The following FHIT variants were observed in gnomAD, a reference collection of about 807,000 sequenced individuals.
The protein encoded by FHIT is fragile histidine triad diadenosine triphosphatase, also known as bis(5'-adenosyl)-triphosphatase.
Under a neutral mutation model 17.9 loss-of-function variants are expected in FHIT, and 19 were observed. That is an observed-to-expected ratio of 1.06 (90% CI 0.74 to 1.56). The LOEUF (loss-of-function observed/expected upper bound fraction) is 1.56, where lower values mean the gene tolerates loss of function less well. Ranked by LOEUF, FHIT falls within the 40% of genes most tolerant of loss-of-function variation. The probability of loss-of-function intolerance (pLI) is 0.00; values close to 1 mark genes in which losing one functional copy is unlikely to be tolerated. For missense variants in FHIT, 248 were observed against 189.2 expected (o/e 1.31, Z -1.82); for synonymous variants, 81 against 69.7 (o/e 1.16, Z -0.81).
intron 8 of FHIT, among the ~76,000 whole-genome samples, chr3:59,797,352 A>G (rs2106957000): frequency 6.6e-6 from 1 of 152,168 alleles, no homozygotes; most frequent in East Asian, 1.9e-4. Context: ...ATGCCTGGCT[A>G]ATTTTTGTAT....
intron 4 of FHIT, among the ~76,000 whole-genome samples, chr3:60,606,004 G>A (rs1273908191): frequency 6.6e-6 from 1 of 152,092 alleles, no homozygotes; most frequent in Non-Finnish European, 1.5e-5. Flanking sequence ...ATAGAAACCA[G>A]GGGATGTTAT....
At chr3:60,042,341 T>C (rs1027004983) in intron 5 of FHIT, among the ~76,000 whole-genome samples, 8 of 152,218 alleles carry the variant, frequency 5.3e-5, no homozygotes, top group African/African-American at 1.7e-4. Context: ...TAGGACTCTA[T>C]TAGTTTGCTA....
chr3:60,931,053 T>C (rs1707924502), intron 3 of FHIT, among the ~76,000 whole-genome samples: 1 of 152,342 alleles, frequency 6.6e-6, no homozygotes, highest in East Asian at 1.9e-4. Context: ...GATGAGTTCA[T>C]GTCCTTTGTA....
chr3:60,839,803 G>A (rs1255919104), intron 3 of FHIT, among the ~76,000 whole-genome samples: 1 of 152,050 alleles, frequency 6.6e-6, no homozygotes, highest in East Asian at 1.9e-4. Flanking sequence ...ATAGATTTCT[G>A]CATTTACATA....
chr3:59,862,471 T>C (rs1181810981), intron 8 of FHIT, among the ~76,000 whole-genome samples: 2 of 152,144 alleles, frequency 1.3e-5, no homozygotes, highest in African/African-American at 4.8e-5. Context: ...CCAATGACCA[T>C]CCAGCAAGAC....
chr3:60,800,217 C>T (rs1175763942), intron 4 of FHIT, among the ~76,000 whole-genome samples: 1 of 152,346 alleles, frequency 6.6e-6, no homozygotes, highest in African/African-American at 2.4e-5. Context: ...TTCAAACACA[C>T]TTCTCTCAAC....
chr3:59,947,530 T>A (rs964119628), intron 7 of FHIT, among the ~76,000 whole-genome samples: 10 of 152,210 alleles, frequency 6.6e-5, no homozygotes, highest in African/African-American at 2.4e-4. Flanking sequence ...CCGATTTTAT[T>A]TGATGCTCTG....
intron 5 of FHIT, among the ~76,000 whole-genome samples, chr3:60,523,924 T>C (rs1295629609): frequency 6.6e-6 from 1 of 152,206 alleles, no homozygotes; most frequent in Non-Finnish European, 1.5e-5. Flanking sequence ...GAAATCCTGG[T>C]TGACACTATG....
chr3:60,165,530 C>T (rs955638119), intron 5 of FHIT, among the ~76,000 whole-genome samples: 1 of 152,074 alleles, frequency 6.6e-6, no homozygotes, highest in African/African-American at 2.4e-5. Context: ...TATGGGTGAG[C>T]ATTATTTAGA....
At chr3:60,627,683 C>T (rs373358270) in intron 4 of FHIT, among the ~76,000 whole-genome samples, 2 of 152,180 alleles carry the variant, frequency 1.3e-5, no homozygotes, top group East Asian at 3.9e-4. Flanking sequence ...GCCACCACAC[C>T]CGGCTAATTT....
At chr3:61,043,258 A>G (rs975020875) in intron 2 of FHIT, among the ~76,000 whole-genome samples, 8 of 152,126 alleles carry the variant, frequency 5.3e-5, no homozygotes, top group Admixed American at 5.2e-4. Flanking sequence ...CCACCCTAAT[A>G]CAGCACTTTT....
intron 3 of FHIT, among the ~76,000 whole-genome samples, chr3:60,964,748 T>C (rs1334345398): frequency 6.6e-6 from 1 of 152,188 alleles, no homozygotes; most frequent in African/African-American, 2.4e-5. Context: ...TTTAAGAATG[T>C]TGAATTGGCC....
At chr3:60,013,715 G>C (rs1215917585) in intron 6 of FHIT, among the ~76,000 whole-genome samples, 1 of 152,142 alleles carries the variant, frequency 6.6e-6, no homozygotes, top group Non-Finnish European at 1.5e-5. Flanking sequence ...GATTTTTCCA[G>C]TCCCAGTTCC....
chr3:61,022,707 C>T (rs889450261), intron 3 of FHIT, among the ~76,000 whole-genome samples: 3 of 152,142 alleles, frequency 2.0e-5, no homozygotes, highest in East Asian at 3.8e-4. Flanking sequence ...AATCAATAAA[C>T]ATAATCCCTC....
intron 2 of FHIT, among the ~76,000 whole-genome samples, chr3:61,077,539 G>A (rs2035008750): frequency 6.6e-6 from 1 of 151,910 alleles, no homozygotes; most frequent in Admixed American, 6.6e-5. Context: ...TTTTAGCAAA[G>A]TGGGAATGTA....
intron 4 of FHIT, among the ~76,000 whole-genome samples, chr3:60,660,729 C>CCTTTTTTTTTT (rs2040222359): frequency 2.7e-5 from 1 of 37,278 alleles, no homozygotes; most frequent in African/African-American, 8.2e-5. Context: ...TTATTGTGCT[C>CCTTTTTTTTTT]TTTTTTTTTT....
At chr3:60,154,284 C>T (rs752267049) in intron 5 of FHIT, among the ~76,000 whole-genome samples, 4 of 152,202 alleles carry the variant, frequency 2.6e-5, no homozygotes, top group African/African-American at 7.2e-5. Context: ...CCTTGACCTA[C>T]ACATGCTTCA....
chr3:61,086,772 A>C (rs2106795919), intron 2 of FHIT, among the ~76,000 whole-genome samples: 1 of 152,148 alleles, frequency 6.6e-6, no homozygotes, highest in East Asian at 1.9e-4. Context: ...AGAAGCAGAA[A>C]TTCATCCTAT....
At chr3:60,184,332 T>C (rs1445309213) in intron 5 of FHIT, among the ~76,000 whole-genome samples, 2 of 152,124 alleles carry the variant, frequency 1.3e-5, no homozygotes, top group Non-Finnish European at 2.9e-5. Context: ...CCATCCAAGA[T>C]ACCATATTAA....
Sources: gnomAD v4.1 joint callset for allele counts (sites outside exome capture counted in the v4.1 genomes callset) on GRCh38, gnomAD v4.1.1 for gene constraint, MANE v1.5 for transcripts, NCBI Gene and HGNC (gene_info 2026-07-23, HGNC 2026-07-21) for gene names.